Variants in INPP4B observed in about 807,000 individuals in gnomAD.
INPP4B encodes inositol polyphosphate 4-phosphatase type II.
INPP4B carries 55 observed loss-of-function variants against 122.5 expected under a neutral mutation model. That is an observed-to-expected ratio of 0.45 (90% confidence interval 0.36 to 0.56). The LOEUF is 0.56. Among genes scored for constraint, INPP4B ranks in the 20% least tolerant of loss-of-function variants. The pLI is 0.00. For synonymous variants in INPP4B, 403 were observed against 388.7 expected (o/e 1.04, Z -0.43); for missense variants, 1,000 against 1,097.7 (o/e 0.91, Z 1.26).
chr4:142,164,227 G>A (rs1232075278), intron 16 of INPP4B, among the ~76,000 whole-genome samples: 1 of 151,796 alleles, frequency 6.6e-6, no homozygotes, highest in African/African-American at 2.4e-5. Context: ...GAATATTAAT[G>A]GCAGAGGAAT....
chr4:142,253,361 C>T (rs112987570), intron 11 of INPP4B, among the ~76,000 whole-genome samples: 4,417 of 152,230 alleles, frequency 0.029, 200 homozygotes, highest in African/African-American at 0.1. Flanking sequence ...CCAAGATGGC[C>T]GAATAGGAAC....
intron 7 of INPP4B, among the ~76,000 whole-genome samples, chr4:142,318,346 A>G (rs892035457): frequency 3.3e-5 from 5 of 152,094 alleles, no homozygotes; most frequent in Admixed American, 1.3e-4. Flanking sequence ...TGTCACTAAA[A>G]AATACTAAGG....
intron 2 of INPP4B, among the ~76,000 whole-genome samples, chr4:142,611,867 C>T (rs969338657): frequency 7.9e-5 from 12 of 151,836 alleles, no homozygotes; most frequent in Admixed American, 2.0e-4. Context: ...TGGGGTTTCA[C>T]CATATTGGTC....
chr4:142,600,180 G>A (rs1480010844), intron 2 of INPP4B, among the ~76,000 whole-genome samples: 1 of 152,124 alleles, frequency 6.6e-6, no homozygotes, highest in East Asian at 1.9e-4. Flanking sequence ...TCCTCAATCA[G>A]ACACAATGCC....
At chr4:142,469,664 G>A (rs953726535) in intron 2 of INPP4B, among the ~76,000 whole-genome samples, 1 of 152,076 alleles carries the variant, frequency 6.6e-6, no homozygotes, top group Admixed American at 6.6e-5. Context: ...GGAAAACATG[G>A]GTATCCCAGA....
intron 15 of INPP4B, among the ~76,000 whole-genome samples, chr4:142,176,192 G>A (rs1203943775): frequency 6.7e-6 from 1 of 148,342 alleles, no homozygotes; most frequent in African/African-American, 2.5e-5. Flanking sequence ...TAACATGCAG[G>A]TTTGTTACAT....
At chr4:142,262,592 T>G (rs553854353) in intron 10 of INPP4B, among the ~76,000 whole-genome samples, 4 of 152,180 alleles carry the variant, frequency 2.6e-5, no homozygotes, top group African/African-American at 9.6e-5. Flanking sequence ...ATCAATAATA[T>G]ATTACCTGTT....
chr4:142,124,850 T>A, intron 18 of INPP4B, 90 bp from the exon 19 acceptor site: 1 of 972,244 alleles, frequency 1.0e-6, no homozygotes. Context: ...TTTTTAATTT[T>A]TCAGTAAGTT....
chr4:142,168,557 G>A (rs931142663), intron 16 of INPP4B, among the ~76,000 whole-genome samples: 3 of 151,588 alleles, frequency 2.0e-5, no homozygotes, highest in East Asian at 1.9e-4. Flanking sequence ...ATTTAGTCCC[G>A]CTACTAGGGC....
At chr4:142,432,669 C>G (rs1809585741) in intron 3 of INPP4B, among the ~76,000 whole-genome samples, 1 of 152,004 alleles carries the variant, frequency 6.6e-6, no homozygotes, top group Non-Finnish European at 1.5e-5. Context: ...TCCCAAAGAC[C>G]TATGACAAAT....
intron 18 of INPP4B, among the ~76,000 whole-genome samples, chr4:142,143,228 A>T (rs758462843): frequency 1.2e-4 from 18 of 152,232 alleles, no homozygotes; most frequent in Non-Finnish European, 2.4e-4. Context: ...ACAAACCAAC[A>T]GGCCCAACAG....
At chr4:142,668,773 G>T (rs988401050) in intron 2 of INPP4B, among the ~76,000 whole-genome samples, 1 of 152,148 alleles carries the variant, frequency 6.6e-6, no homozygotes, top group Non-Finnish European at 1.5e-5. Context: ...TCATGGCTGG[G>T]CGTGGTGGCT....
intron 7 of INPP4B, among the ~76,000 whole-genome samples, chr4:142,367,668 C>G (rs1374859507): frequency 6.6e-6 from 1 of 152,112 alleles, no homozygotes; most frequent in Non-Finnish European, 1.5e-5. Context: ...GCTCTATTGT[C>G]CGCAATTCAT....
At chr4:142,044,428 G>A (rs539409731) in intron 25 of INPP4B, among the ~76,000 whole-genome samples, 1 of 152,236 alleles carries the variant, frequency 6.6e-6, no homozygotes, top group Admixed American at 6.5e-5. Flanking sequence ...AAATGCTGCA[G>A]TTGGAGCAAG....
chr4:142,227,443 C>CA (rs1012007958), intron 12 of INPP4B, among the ~76,000 whole-genome samples: 1 of 150,768 alleles, frequency 6.6e-6, no homozygotes, highest in Non-Finnish European at 1.5e-5. Context: ...GTATAAATAA[C>CA]AAAAAAAGAG....
At position 142,238,204 on chromosome 4, in the gene INPP4B, T is replaced by A. The variant is rs564576390; in HGVS notation, c.689-193A>T. Among the ~76,000 whole-genome samples the A allele has an allele frequency of 1.1e-4, 16 of 152,126 alleles. No homozygotes were observed. The East Asian group carries it at 3.1e-3, about 29-fold the overall frequency. On this transcript the variant is annotated intron_variant, in intron 11 of 25. Transcript: ENST00000262992. ...ATTTTGATTAGTGTATCTGAATTTC[T>A]AAGAATTTTATTTTGACATCTTATT...
chr4:142,750,699 G>A (rs767391254), intron 1 of INPP4B, among the ~76,000 whole-genome samples: 1 of 152,070 alleles, frequency 6.6e-6, no homozygotes, highest in Non-Finnish European at 1.5e-5. Flanking sequence ...GAAAGATTGA[G>A]GGGTCCAATT....
chr4:142,029,060 A>ATCTT (rs1232208359), intron 25 of INPP4B, 146 bp from the exon 26 acceptor site: 23 of 1,402,680 alleles, frequency 1.6e-5, no homozygotes, highest in Non-Finnish European at 2.1e-5. Flanking sequence ...GTGATGATAC[A>ATCTT]TCTTACAAAA....
chr4:142,065,834 G>T (rs1171586131), intron 25 of INPP4B, among the ~76,000 whole-genome samples: 1 of 152,072 alleles, frequency 6.6e-6, no homozygotes, highest in African/African-American at 2.4e-5. Flanking sequence ...TTATTATAAA[G>T]GTATTACAAA....
Sources: allele counts gnomAD v4.1 joint callset (sites outside exome capture counted in the v4.1 genomes callset), GRCh38; gene constraint gnomAD v4.1.1; transcripts MANE v1.5; gene names NCBI Gene and HGNC (gene_info 2026-07-23, HGNC 2026-07-21).